RIMS1: variants seen among roughly 807,000 people sequenced by gnomAD.
RIMS1 encodes the protein regulating synaptic membrane exocytosis protein 1.
In RIMS1, 83 loss-of-function variants were observed where a neutral mutation model predicts 214.1. That is an observed-to-expected ratio of 0.39 (90% CI 0.32 to 0.47). The LOEUF (loss-of-function observed/expected upper bound fraction) is 0.47, where lower values mean the gene tolerates loss of function less well. RIMS1 is among the 20% of genes least tolerant of loss of function. The probability of loss-of-function intolerance (pLI) is 0.99; values close to 1 mark genes in which losing one functional copy is unlikely to be tolerated. For synonymous variants in RIMS1, 793 were observed against 786.8 expected (o/e 1.01, Z -0.13); for missense variants, 2,050 against 2,161.8 (o/e 0.95, Z 1.03).
At chr6:72,270,399 G>A (rs1178227828) in intron 22 of RIMS1, among the ~76,000 whole-genome samples, 1 of 152,198 alleles carries the variant, frequency 6.6e-6, no homozygotes, top group East Asian at 1.9e-4. Context: ...TGAGGGCAGG[G>A]ATAATATCCT....
At chr6:72,318,443 A>AG (rs2095943599) in intron 28 of RIMS1, among the ~76,000 whole-genome samples, 1 of 152,100 alleles carries the variant, frequency 6.6e-6, no homozygotes, top group Admixed American at 6.6e-5. Flanking sequence ...ACTTTCTCCT[A>AG]GGAAAAAAAA....
At position 72,205,093 on chromosome 6, in the gene RIMS1, TTC is replaced by T. The variant is rs550177690; in HGVS notation, c.1678+21946_1678+21947del. On this transcript the variant is annotated intron_variant, in intron 6 of 33. Transcript: ENST00000521978. ...AGTAATTACTTCTGTGTTCTCAGGATTCTGTTTCTTTAATTATTTTAGTAATT... is the reference window on the plus strand; with the variant it reads ...AGTAATTACTTCTGTGTTCTCAGGATTGTTTCTTTAATTATTTTAGTAATT... 1.3e-3 allele frequency among the ~76,000 whole-genome samples: 195 copies of T among 152,274 alleles called. 1 individual carries two copies. Among genetic ancestry groups the T allele is most frequent in the African/African-American group, 4.4e-3 (182 of 41,566 alleles).
At chr6:72,197,910 A>G (rs1160382833) in intron 6 of RIMS1, among the ~76,000 whole-genome samples, 2 of 152,106 alleles carry the variant, frequency 1.3e-5, no homozygotes, top group African/African-American at 4.8e-5. Flanking sequence ...AAGGGGAAAA[A>G]TGTATAAGCT....
At chr6:72,058,055 T>C (rs573212169) in intron 2 of RIMS1, among the ~76,000 whole-genome samples, 7 of 152,364 alleles carry the variant, frequency 4.6e-5, no homozygotes, top group African/African-American at 1.7e-4. Context: ...CTCATGAATT[T>C]ATAAAGTACT....
intron 1 of RIMS1, among the ~76,000 whole-genome samples, chr6:71,909,878 TCTGCGTATTGTTGGTGTGATC>T (rs1776370002): frequency 6.6e-6 from 1 of 152,156 alleles, no homozygotes; most frequent in Non-Finnish European, 1.5e-5. Flanking sequence ...GGCACAACAA[TCTGCGTATTGTTGGTGTGATC>T]CTGTCTGCCC....
chr6:72,153,562 T>C (rs1275761516), intron 4 of RIMS1, among the ~76,000 whole-genome samples: 1 of 151,814 alleles, frequency 6.6e-6, no homozygotes, highest in Non-Finnish European at 1.5e-5. Flanking sequence ...AATCTATAGA[T>C]TTTTTACAAT....
At chr6:72,292,930 G>A (rs1395278542) in intron 26 of RIMS1, among the ~76,000 whole-genome samples, 2 of 151,924 alleles carry the variant, frequency 1.3e-5, no homozygotes, top group African/African-American at 2.4e-5. Flanking sequence ...TTTTTCAGCA[G>A]TGTTATTGTT....
chr6:71,896,918 T>C lies in RIMS1; in HGVS notation c.164+9731T>C, dbSNP rs756504307. Among the ~76,000 whole-genome samples, 36 of 152,288 alleles carry C rather than the reference T, an allele frequency of 2.4e-4. No homozygotes were observed. In the Middle Eastern group the frequency reaches 0.01, roughly 43 times the overall value. ...ATGGCTCCAACCATGTATATGTCAA[T>C]GATCCCTAGATCTATATTACTGCAT... On this transcript the variant is annotated intron_variant, in intron 1 of 33. Transcript: ENST00000521978.
rs887741211 is a variant in RIMS1 at position 72,179,920 on chromosome 6, T to C, written c.812+5T>C. ...AAGTGAACCTCCTAGAGAGAGGTAATAGTTCTTTCACCCTGTAAGCAAAAG... is the reference window on the plus strand; with the variant it reads ...AAGTGAACCTCCTAGAGAGAGGTAACAGTTCTTTCACCCTGTAAGCAAAAG... On this transcript the variant is annotated splice_donor_5th_base_variant and intron_variant, in intron 5 of 33. Transcript: ENST00000521978. 6.9e-7 allele frequency: 1 copy of C among 1,453,906 alleles called. No individual in the cohort carries two copies. The highest frequency in any genetic ancestry group is 9.1e-7 in the Non-Finnish European group (1 of 1,098,302). 90.1% of individuals were successfully genotyped at this position (1,453,906 alleles called of 1,614,324 possible). A position where few individuals can be genotyped will look rare whatever the true frequency, so the allele number is the denominator to read the frequency against.
At chr6:72,012,483 A>C (rs1811118570) in intron 2 of RIMS1, among the ~76,000 whole-genome samples, 1 of 152,240 alleles carries the variant, frequency 6.6e-6, no homozygotes, top group Admixed American at 6.5e-5. Flanking sequence ...GTATAATAAA[A>C]AAAACTGAAA....
chr6:72,115,775 T>C (rs1236036860), intron 4 of RIMS1, among the ~76,000 whole-genome samples: 1 of 151,922 alleles, frequency 6.6e-6, no homozygotes, highest in Non-Finnish European at 1.5e-5. Flanking sequence ...TTCATTAATA[T>C]CCTTTATTTC....
At chr6:72,005,774 G>A (rs528274) in intron 2 of RIMS1, among the ~76,000 whole-genome samples, 33,182 of 152,080 alleles carry the variant, frequency 0.22, 4,434 homozygotes, top group East Asian at 0.33. Context: ...TAAGGAATTC[G>A]ATAGTTTGAT....
intron 1 of RIMS1, among the ~76,000 whole-genome samples, chr6:71,904,409 C>G (rs1277753444): frequency 6.6e-6 from 1 of 152,120 alleles, no homozygotes; most frequent in Non-Finnish European, 1.5e-5. Context: ...AGTTCTGAGA[C>G]TAGCTGGAAT....
At chr6:72,323,136 T>G (rs1231189462) in intron 28 of RIMS1, among the ~76,000 whole-genome samples, 2 of 152,114 alleles carry the variant, frequency 1.3e-5, no homozygotes, top group Non-Finnish European at 2.9e-5. Context: ...TAGCAAATCT[T>G]TAAACCCAAA....
chr6:72,154,960 G>A (rs1440803051), intron 4 of RIMS1, among the ~76,000 whole-genome samples: 1 of 140,168 alleles, frequency 7.1e-6, no homozygotes, highest in African/African-American at 2.5e-5. Context: ...GAGGCTGTGG[G>A]CTCTACTTAC....
At chr6:71,941,988 A>G (rs889365813) in intron 1 of RIMS1, among the ~76,000 whole-genome samples, 27 of 152,272 alleles carry the variant, frequency 1.8e-4, no homozygotes, top group Non-Finnish European at 3.2e-4. Flanking sequence ...TCCTTGGTAG[A>G]TGTAGGTGTA....
intron 1 of RIMS1, among the ~76,000 whole-genome samples, chr6:71,921,393 A>G (rs1779943349): frequency 6.6e-6 from 1 of 152,216 alleles, no homozygotes; most frequent in Non-Finnish European, 1.5e-5. Flanking sequence ...TGCTGGGATT[A>G]CAGGCATGAG....
intron 2 of RIMS1, among the ~76,000 whole-genome samples, chr6:72,064,146 C>T (rs568389878): frequency 6.4e-4 from 98 of 152,202 alleles, no homozygotes; most frequent in African/African-American, 1.9e-3. Context: ...GGCGAAACTC[C>T]GTCTCTACTA....
intron 2 of RIMS1, among the ~76,000 whole-genome samples, chr6:71,984,545 A>G (rs1270729408): frequency 6.6e-6 from 1 of 152,158 alleles, no homozygotes; most frequent in African/African-American, 2.4e-5. Context: ...TTTTTCCCAG[A>G]GAAGAAGGCA....
Sources: allele counts gnomAD v4.1 joint callset (sites outside exome capture counted in the v4.1 genomes callset), GRCh38; gene constraint gnomAD v4.1.1; transcripts MANE v1.5; gene names NCBI Gene and HGNC (gene_info 2026-07-23, HGNC 2026-07-21).